The following NALCN variants were observed in gnomAD, a reference collection of about 807,000 sequenced individuals.
The protein encoded by NALCN is sodium leak channel NALCN.
A neutral mutation model predicts 225.3 loss-of-function variants in NALCN; 111 were observed. The observed-to-expected ratio is 0.49, with a 90% CI of 0.42 to 0.58. NALCN has a LOEUF of 0.58. NALCN is among the 20% of genes least tolerant of loss of function. The pLI is 0.00. For synonymous variants in NALCN, 764 were observed against 769.0 expected (o/e 0.99, Z 0.11); for missense variants, 1,378 against 2,202.4 (o/e 0.63, Z 7.49).
chr13:101,149,231 TACAGTGAGCCA>T (rs920109666), intron 15 of NALCN, among the ~76,000 whole-genome samples: 2 of 150,670 alleles, frequency 1.3e-5, no homozygotes, highest in African/African-American at 4.9e-5. Flanking sequence ...AGGTGGAGCT[TACAGTGAGCCA>T]AGATTGTGCC....
intron 17 of NALCN, among the ~76,000 whole-genome samples, chr13:101,139,124 G>A (rs559683208): frequency 6.6e-6 from 1 of 152,282 alleles, no homozygotes; most frequent in South Asian, 2.1e-4. Flanking sequence ...TGTTTTCTGG[G>A]AGAAGGACAG....
chr13:101,137,471 G>A (rs1220609723), intron 17 of NALCN, among the ~76,000 whole-genome samples: 1 of 151,852 alleles, frequency 6.6e-6, no homozygotes, highest in East Asian at 1.9e-4. Flanking sequence ...GGAGTTACAA[G>A]AACAAATTAT....
chr13:101,379,536 TA>T (rs1461147459), intron 3 of NALCN, among the ~76,000 whole-genome samples: 4 of 152,030 alleles, frequency 2.6e-5, no homozygotes, highest in African/African-American at 9.7e-5. Context: ...TATGCAGCCA[TA>T]AAAAAGGATG....
At chr13:101,111,292 G>A (rs2035422856) in intron 18 of NALCN, 66 bp from the exon 19 acceptor site, 2 of 1,331,712 alleles carry the variant, frequency 1.5e-6, no homozygotes, top group Non-Finnish European at 2.1e-6. Context: ...TAACACATAA[G>A]TGCTCATTAC....
At chr13:101,355,458 T>C (rs1431591368) in intron 6 of NALCN, among the ~76,000 whole-genome samples, 1 of 152,004 alleles carries the variant, frequency 6.6e-6, no homozygotes, top group Non-Finnish European at 1.5e-5. Flanking sequence ...AAGAATGGCA[T>C]TACTTAAAGG....
At chr13:101,268,444 T>A (rs1421340508) in intron 10 of NALCN, among the ~76,000 whole-genome samples, 1 of 152,220 alleles carries the variant, frequency 6.6e-6, no homozygotes, top group Non-Finnish European at 1.5e-5. Flanking sequence ...TGAAAACTCA[T>A]ACATTGATCA....
intron 10 of NALCN, among the ~76,000 whole-genome samples, chr13:101,263,137 T>A: frequency 6.6e-6 from 1 of 152,194 alleles, no homozygotes; most frequent in Non-Finnish European, 1.5e-5. Context: ...GCCAGTGACA[T>A]CGGGAAAGTA....
At chr13:101,273,318 G>A (rs1287527254) in intron 10 of NALCN, among the ~76,000 whole-genome samples, 4 of 152,162 alleles carry the variant, frequency 2.6e-5, no homozygotes, top group African/African-American at 9.7e-5. Flanking sequence ...CCACAGCTAT[G>A]GCTTATGCTA....
At chr13:101,180,047 C>T (rs1488809854) in intron 14 of NALCN, among the ~76,000 whole-genome samples, 1 of 151,952 alleles carries the variant, frequency 6.6e-6, no homozygotes, top group Non-Finnish European at 1.5e-5. Flanking sequence ...TAGGGCCCAC[C>T]CAGATAATCC....
intron 17 of NALCN, among the ~76,000 whole-genome samples, chr13:101,138,730 G>A (rs533300523): frequency 6.6e-6 from 1 of 152,184 alleles, no homozygotes; most frequent in South Asian, 2.1e-4. Context: ...GTCTCACTTC[G>A]GAGAACAGAG....
chr13:101,067,691 C>T (rs530005325), intron 39 of NALCN, among the ~76,000 whole-genome samples: 17 of 152,182 alleles, frequency 1.1e-4, no homozygotes, highest in African/African-American at 3.9e-4. Context: ...TGCTGGCCTT[C>T]GGAAAGTCTG....
At chr13:101,410,904 G>A (rs73567919) in intron 1 of NALCN, among the ~76,000 whole-genome samples, 244 of 152,220 alleles carry the variant, frequency 1.6e-3, no homozygotes, top group African/African-American at 5.5e-3. Context: ...TCACTAAGAC[G>A]TGGTAGCATT....
At chr13:101,058,152 T>C in intron 42 of NALCN, 96 bp from the exon 43 acceptor site, 4 of 1,027,380 alleles carry the variant, frequency 3.9e-6, no homozygotes, top group Non-Finnish European at 5.7e-6. Context: ...GGAGGACAAG[T>C]GGGAAGAACA....
intron 40 of NALCN, among the ~76,000 whole-genome samples, chr13:101,064,625 A>G (rs1211664140): frequency 6.6e-6 from 1 of 151,944 alleles, no homozygotes; most frequent in Non-Finnish European, 1.5e-5. Context: ...GACCAAGCTG[A>G]TGCTTCTACA....
chr13:101,236,408 A>C (rs906501207), intron 12 of NALCN, among the ~76,000 whole-genome samples: 4 of 152,136 alleles, frequency 2.6e-5, no homozygotes, highest in Admixed American at 1.3e-4. Context: ...CCATCCCATT[A>C]CTGGGTATAT....
At chr13:101,186,738 A>G (rs1189195057) in intron 14 of NALCN, among the ~76,000 whole-genome samples, 1 of 152,184 alleles carries the variant, frequency 6.6e-6, no homozygotes, top group Non-Finnish European at 1.5e-5. Flanking sequence ...TAAACCTTGC[A>G]GTTTCTCATA....
Position 101,054,178 on chromosome 13 carries a change from C to CTAAT in NALCN, c.*1113_*1116dup, listed in dbSNP as rs2139365033. On this transcript the variant is annotated 3_prime_UTR_variant, in exon 44 of 44. Transcript: ENST00000251127. ...AGCACTTTGTAATCATTTTGCTTTT[C>CTAAT]TAATTTTCCCGGAGGACATGGGCCA... 6.6e-6 allele frequency: 1 copy of CTAAT among 152,228 alleles called. No individual in the cohort carries two copies. Among genetic ancestry groups the CTAAT allele is most frequent in the African/African-American group, 2.4e-5 (1 of 41,536 alleles). 9.4% of individuals were successfully genotyped at this position (152,228 alleles called of 1,614,324 possible). A position where few individuals can be genotyped will look rare whatever the true frequency, so the allele number is the denominator to read the frequency against.
intron 13 of NALCN, among the ~76,000 whole-genome samples, chr13:101,217,902 C>T (rs576069571): frequency 5.9e-5 from 9 of 152,214 alleles, no homozygotes; most frequent in South Asian, 2.1e-4. Context: ...CTTTCTACCA[C>T]GTCTATTTAC....
intron 15 of NALCN, among the ~76,000 whole-genome samples, chr13:101,167,275 G>T (rs2038484511): frequency 6.6e-6 from 1 of 152,154 alleles, no homozygotes; most frequent in East Asian, 1.9e-4. Flanking sequence ...ACGAAAGATT[G>T]CATTGAATCT....
Sources: allele counts gnomAD v4.1 joint callset (sites outside exome capture counted in the v4.1 genomes callset), GRCh38; gene constraint gnomAD v4.1.1; transcripts MANE v1.5; gene names NCBI Gene and HGNC (gene_info 2026-07-23, HGNC 2026-07-21).